ADGRL3: variants seen among roughly 807,000 people sequenced by gnomAD.
ADGRL3 encodes calcium-independent alpha-latrotoxin receptor 3.
Under a neutral mutation model 153.5 loss-of-function variants are expected in ADGRL3, and 62 were observed. That is an observed-to-expected ratio of 0.40 (90% CI 0.33 to 0.50). ADGRL3 has a LOEUF of 0.50. ADGRL3 is among the 20% of genes least tolerant of loss of function. The pLI is 0.47. For missense variants in ADGRL3, 1,641 were observed against 1,859.4 expected, an observed-to-expected ratio of 0.88 and a Z score of 2.16; for synonymous variants, 710 against 672.5, an observed-to-expected ratio of 1.06 and a Z score of -0.86.
chr4:61,419,766 A>G (rs2097181836), intron 2 of ADGRL3, among the ~76,000 whole-genome samples: 2 of 151,518 alleles, frequency 1.3e-5, no homozygotes, highest in African/African-American at 2.4e-5. Context: ...ACATATTTAG[A>G]TTTATTTTCA....
intron 23 of ADGRL3, among the ~76,000 whole-genome samples, chr4:62,036,369 T>C (rs1216145131): frequency 6.6e-6 from 1 of 152,028 alleles, no homozygotes; most frequent in Non-Finnish European, 1.5e-5. Flanking sequence ...AAGAAGCCGT[T>C]CTTGGCCTCC....
chr4:62,041,545 A>G (rs1255270069), intron 24 of ADGRL3, among the ~76,000 whole-genome samples: 1 of 152,074 alleles, frequency 6.6e-6, no homozygotes, highest in Non-Finnish European at 1.5e-5. Context: ...GAACATTTTC[A>G]ATATGTTTTC....
intron 1 of ADGRL3, among the ~76,000 whole-genome samples, chr4:61,325,453 A>C (rs2095444937): frequency 1.3e-5 from 2 of 152,226 alleles, no homozygotes; most frequent in South Asian, 4.1e-4. Flanking sequence ...GTACTTTCAA[A>C]ATATCAGCAA....
At chr4:61,617,214 G>A (rs1287458365) in intron 5 of ADGRL3, among the ~76,000 whole-genome samples, 2 of 152,146 alleles carry the variant, frequency 1.3e-5, no homozygotes, top group Admixed American at 1.3e-4. Context: ...TATTTTAAAT[G>A]TGTGAAAAGG....
At chr4:61,572,515 C>A (rs572609674) in intron 4 of ADGRL3, among the ~76,000 whole-genome samples, 5 of 151,892 alleles carry the variant, frequency 3.3e-5, no homozygotes, top group African/African-American at 7.3e-5. Context: ...ATATTAAATG[C>A]GTATAAATTT....
chr4:62,016,964 C>T (rs2099215058), intron 21 of ADGRL3, among the ~76,000 whole-genome samples: 1 of 151,848 alleles, frequency 6.6e-6, no homozygotes, highest in Non-Finnish European at 1.5e-5. Context: ...GGTATGATAT[C>T]TAATTTCCCT....
At chr4:62,006,586 T>C (rs944177680) in intron 21 of ADGRL3, among the ~76,000 whole-genome samples, 1 of 151,816 alleles carries the variant, frequency 6.6e-6, no homozygotes, top group Non-Finnish European at 1.5e-5. Flanking sequence ...GATTTTTTTT[T>C]TTTTTTTTGC....
At chr4:61,344,454 G>A (rs1444072592) in intron 1 of ADGRL3, among the ~76,000 whole-genome samples, 1 of 152,150 alleles carries the variant, frequency 6.6e-6, no homozygotes, top group Non-Finnish European at 1.5e-5. Flanking sequence ...TGCAGCATAT[G>A]AATCCTTGAA....
intron 2 of ADGRL3, among the ~76,000 whole-genome samples, chr4:61,411,641 C>G (rs971710661): frequency 2.0e-4 from 31 of 152,082 alleles, no homozygotes; most frequent in African/African-American, 5.6e-4. Context: ...ACTAATTTCT[C>G]TTTCCTTCCT....
intron 21 of ADGRL3, among the ~76,000 whole-genome samples, chr4:62,018,546 G>T (rs983114073): frequency 1.3e-5 from 2 of 152,098 alleles, no homozygotes; most frequent in South Asian, 2.1e-4. Context: ...CAGATATTTT[G>T]TAGGCATAGA....
chr4:61,463,824 T>C (rs1363386770), intron 2 of ADGRL3, among the ~76,000 whole-genome samples: 2 of 152,126 alleles, frequency 1.3e-5, no homozygotes, highest in Non-Finnish European at 2.9e-5. Context: ...AAACAAAAGT[T>C]GTAACACCAG....
intron 17 of ADGRL3, among the ~76,000 whole-genome samples, chr4:61,951,881 CAAAAT>C (rs1247856799): frequency 6.6e-6 from 1 of 152,060 alleles, no homozygotes. Flanking sequence ...ACAAAACAAA[CAAAAT>C]GATTAGACTG....
At chr4:61,354,068 A>G (rs1032988025) in intron 1 of ADGRL3, among the ~76,000 whole-genome samples, 3 of 152,154 alleles carry the variant, frequency 2.0e-5, no homozygotes, top group African/African-American at 7.2e-5. Flanking sequence ...CCAAACATTT[A>G]CTGGTTGCTT....
chr4:61,795,326 A>G (rs547819105), intron 8 of ADGRL3, among the ~76,000 whole-genome samples: 1 of 152,208 alleles, frequency 6.6e-6, no homozygotes, highest in South Asian at 2.1e-4. Context: ...GCAGGGTCTC[A>G]ACATGTTGCT....
At chr4:61,559,191 A>G (rs2098783524) in intron 4 of ADGRL3, among the ~76,000 whole-genome samples, 1 of 152,100 alleles carries the variant, frequency 6.6e-6, no homozygotes, top group Non-Finnish European at 1.5e-5. Flanking sequence ...TGGCAATGGT[A>G]GCAGCTTAAT....
At chr4:61,749,666 A>G (rs1236611002) in intron 8 of ADGRL3, among the ~76,000 whole-genome samples, 1 of 151,898 alleles carries the variant, frequency 6.6e-6, no homozygotes, top group East Asian at 1.9e-4. Flanking sequence ...CAATGAGAAC[A>G]CATGGACACA....
At chr4:61,797,776 G>C (rs116186523) in intron 8 of ADGRL3, among the ~76,000 whole-genome samples, 3,403 of 152,180 alleles carry the variant, frequency 0.022, 52 homozygotes, top group Non-Finnish European at 0.034. Context: ...TGAATTCCCA[G>C]TTCTTAATGG....
intron 8 of ADGRL3, among the ~76,000 whole-genome samples, chr4:61,760,305 C>G (rs1319908046): frequency 1.3e-5 from 2 of 152,184 alleles, no homozygotes; most frequent in Non-Finnish European, 2.9e-5. Flanking sequence ...GTGGGCTCCA[C>G]CAAGTTCGAG....
intron 6 of ADGRL3, among the ~76,000 whole-genome samples, chr4:61,689,792 G>C (rs2095506733): frequency 6.6e-6 from 1 of 152,042 alleles, no homozygotes; most frequent in Non-Finnish European, 1.5e-5. Flanking sequence ...AAGGCACTTG[G>C]TGGCATACTG....
Sources: gnomAD v4.1 joint callset for allele counts (sites outside exome capture counted in the v4.1 genomes callset) on GRCh38, gnomAD v4.1.1 for gene constraint, MANE v1.5 for transcripts, NCBI Gene and HGNC (gene_info 2026-07-23, HGNC 2026-07-21) for gene names.